The following UBE3D variants were observed in gnomAD, a reference collection of about 807,000 sequenced individuals.
UBE3D encodes ubiquitin protein ligase E3D, also known as E3 ubiquitin-protein ligase E3D.
A neutral mutation model predicts 49.6 loss-of-function variants in UBE3D; 48 were observed. The observed-to-expected ratio is 0.97, with a 90% CI of 0.77 to 1.23. The LOEUF (loss-of-function observed/expected upper bound fraction) is 1.23. UBE3D is among the 50% of genes most tolerant of loss of function. UBE3D has a pLI of 0.00. For synonymous variants in UBE3D, 189 were observed against 174.2 expected (o/e 1.08, Z -0.67); for missense variants, 452 against 468.4 (o/e 0.96, Z 0.32).
chr6:83,044,338 A>G lies in UBE3D; in HGVS notation c.597+90T>C, dbSNP rs962549822. On this transcript the variant is annotated intron_variant, in intron 4 of 9. Transcript: ENST00000369747. ...TGAATTTTGGCCTTTACAGCAGTCT[A>G]TGTAACAAGCCCTTAATTAGGAAAA... is the stretch of plus-strand genomic sequence containing the variant. The G allele has an allele frequency of 5.5e-6, 7 of 1,269,706 alleles. No individual in the cohort carries two copies. The Admixed American group carries it at 7.8e-5, about 14-fold the overall frequency. The allele number at this position is 1,269,706 out of a possible 1,614,324, so 78.7% of individuals were successfully genotyped here. A position where few individuals can be genotyped will look rare whatever the true frequency, so the allele number is the denominator to read the frequency against.
intron 9 of UBE3D, among the ~76,000 whole-genome samples, chr6:82,927,213 C>CT (rs34600480): frequency 0.75 from 107,869 of 144,040 alleles, 41,066 homozygotes; most frequent in Non-Finnish European, 0.83. Flanking sequence ...ATCTATTTGT[C>CT]TTTTTTTTTT....
intron 3 of UBE3D, among the ~76,000 whole-genome samples, chr6:83,048,025 T>G (rs1783190844): frequency 7.9e-6 from 1 of 126,520 alleles, no homozygotes; most frequent in African/African-American, 3.1e-5. Flanking sequence ...GAGCTTGCAG[T>G]GAGCCGAGAT....
the UBE3D span, among the ~76,000 whole-genome samples, chr6:82,883,285 G>T: frequency 1.3e-5 from 2 of 152,146 alleles, no homozygotes; most frequent in African/African-American, 4.8e-5. Context: ...AAAGGATATA[G>T]AACCTTTTAA....
At chr6:82,885,574 G>A in the UBE3D span, among the ~76,000 whole-genome samples, 25,340 of 152,032 alleles carry the variant, frequency 0.17, 2,596 homozygotes, top group Admixed American at 0.36. Context: ...CTGCACAGGC[G>A]GCATTTCAAC....
At chr6:82,975,469 T>C (rs1203083385) in intron 8 of UBE3D, among the ~76,000 whole-genome samples, 3 of 152,198 alleles carry the variant, frequency 2.0e-5, no homozygotes, top group African/African-American at 7.2e-5. Context: ...TAGTTGTCAG[T>C]GTAGGCTATG....
At position 82,927,893 on chromosome 6, in the gene UBE3D, A is replaced by G. The variant is rs559537657; in HGVS notation, c.1149+29419T>C. ...AGTCGGTGCCAGTAGTTGTGGGGGG[A>G]GGAAGGCATGAACAGGTAGAGCACA... On this transcript the variant is annotated intron_variant, in intron 9 of 9. Transcript: ENST00000369747. Among the ~76,000 whole-genome samples, 243 of 151,944 alleles carry G rather than the reference A, an allele frequency of 1.6e-3. 2 individuals carry two copies. Among genetic ancestry groups the G allele is most frequent in the African/African-American group, 4.8e-3 (201 of 41,500 alleles).
chr6:83,011,497 T>C (rs1039165106), intron 8 of UBE3D, among the ~76,000 whole-genome samples: 3 of 152,172 alleles, frequency 2.0e-5, no homozygotes, highest in Admixed American at 6.5e-5. Context: ...CCATTGACCT[T>C]AATCACAGGG....
chr6:82,974,811 AAACATCATATTGTGAATATTAAAACAC>A (rs1777602426), intron 8 of UBE3D, among the ~76,000 whole-genome samples: 1 of 152,106 alleles, frequency 6.6e-6, no homozygotes, highest in African/African-American at 2.4e-5. Flanking sequence ...ACTCTTTTAA[AAACATCATATTGTGAATATTAAAACAC>A]TGTCATCCTC....
chr6:82,923,105 T>C (rs1378542479), intron 9 of UBE3D, among the ~76,000 whole-genome samples: 1 of 152,206 alleles, frequency 6.6e-6, no homozygotes, highest in Non-Finnish European at 1.5e-5. Flanking sequence ...TTTTACACTG[T>C]TGGTGGGAGT....
At chr6:82,921,241 C>T (rs953683260) in intron 9 of UBE3D, among the ~76,000 whole-genome samples, 2 of 152,116 alleles carry the variant, frequency 1.3e-5, no homozygotes, top group Admixed American at 6.6e-5. Flanking sequence ...GGCATTAGCA[C>T]CTGGCCCTGA....
intron 8 of UBE3D, among the ~76,000 whole-genome samples, chr6:83,014,850 G>T (rs1780585738): frequency 6.6e-6 from 1 of 152,240 alleles, no homozygotes; most frequent in East Asian, 1.9e-4. Flanking sequence ...ATTGATTGAG[G>T]GACTGTGATT....
At chr6:83,064,598 G>C (rs930169718) in intron 1 of UBE3D, among the ~76,000 whole-genome samples, 3 of 152,074 alleles carry the variant, frequency 2.0e-5, no homozygotes, top group Admixed American at 2.0e-4. Context: ...GGTTTGTTGT[G>C]TGTGTGTGGT....
intron 9 of UBE3D, among the ~76,000 whole-genome samples, chr6:82,948,547 C>A (rs745497230): frequency 6.6e-6 from 1 of 151,772 alleles, no homozygotes; most frequent in Non-Finnish European, 1.5e-5. Flanking sequence ...CAAAACTAGA[C>A]AAAGACACAT....
intron 4 of UBE3D, among the ~76,000 whole-genome samples, chr6:83,041,025 A>G (rs1326599052): frequency 6.6e-6 from 1 of 152,262 alleles, no homozygotes; most frequent in African/African-American, 2.4e-5. Context: ...CATGGCTCCA[A>G]GTTGATATTA....
At chr6:82,952,189 G>A (rs943801419) in intron 9 of UBE3D, among the ~76,000 whole-genome samples, 2 of 152,038 alleles carry the variant, frequency 1.3e-5, no homozygotes, top group African/African-American at 2.4e-5. Context: ...AGGGGTTCTC[G>A]AGCCAGGCCT....
At chr6:82,984,076 C>T (rs1778296087) in intron 8 of UBE3D, among the ~76,000 whole-genome samples, 1 of 152,092 alleles carries the variant, frequency 6.6e-6, no homozygotes, top group African/African-American at 2.4e-5. Context: ...TGTTCACTGT[C>T]TTTTCTTCCT....
At chr6:83,062,935 G>T (rs753778787) in intron 1 of UBE3D, among the ~76,000 whole-genome samples, 1 of 152,030 alleles carries the variant, frequency 6.6e-6, no homozygotes, top group Non-Finnish European at 1.5e-5. Context: ...AATTCAACAT[G>T]ATCACAGATC....
chr6:82,935,958 G>A (rs1774538675), intron 9 of UBE3D, among the ~76,000 whole-genome samples: 1 of 151,958 alleles, frequency 6.6e-6, no homozygotes, highest in South Asian at 2.1e-4. Flanking sequence ...TATGTATTAG[G>A]TAATGAACAT....
At chr6:82,951,237 T>C (rs1285874744) in intron 9 of UBE3D, among the ~76,000 whole-genome samples, 2 of 152,134 alleles carry the variant, frequency 1.3e-5, no homozygotes, top group African/African-American at 2.4e-5. Context: ...ATACCTACTA[T>C]GTACCCATAA....
Sources: gnomAD v4.1 joint callset for allele counts (sites outside exome capture counted in the v4.1 genomes callset) on GRCh38, gnomAD v4.1.1 for gene constraint, MANE v1.5 for transcripts, NCBI Gene and HGNC (gene_info 2026-07-23, HGNC 2026-07-21) for gene names.